ATF7IP: variants seen among roughly 807,000 people sequenced by gnomAD.
ATF7IP encodes activating transcription factor 7 interacting protein.
Under a neutral mutation model 106.4 loss-of-function variants are expected in ATF7IP, and 23 were observed. The observed-to-expected ratio is 0.22, with a 90% CI of 0.16 to 0.31. The LOEUF is 0.31. Among genes scored for constraint, ATF7IP ranks in the 10% least tolerant of loss-of-function variants. ATF7IP has a pLI of 1.00. For missense variants in ATF7IP, 1,334 were observed against 1,524.3 expected (o/e 0.88, Z 2.08); for synonymous variants, 542 against 539.0 (o/e 1.01, Z -0.08).
At chr12:14,494,329 A>ATG (rs1459016569) in intron 13 of ATF7IP, among the ~76,000 whole-genome samples, 101 of 92,974 alleles carry the variant, frequency 1.1e-3, no homozygotes, top group East Asian at 4.7e-3. Context: ...ATATATATAT[A>ATG]TATATGTGTG....
chr12:14,497,750 C>G lies in ATF7IP; in HGVS notation c.3490C>G (p.Pro1164Ala). 8.1e-6 allele frequency: 13 copies of G among 1,614,168 alleles called. No homozygotes were observed. The highest frequency in any genetic ancestry group is 1.1e-5 in the Non-Finnish European group (13 of 1,180,026). The change falls in exon 15 of 15, where the codon CCA becomes GCA. Residue 1164 changes from proline (P) to alanine (A), a missense_variant. Coordinates refer to ENST00000261168, the MANE Select transcript of ATF7IP (RefSeq NM_018179.5). ...TGCCAGCACATCTCTGCCTCAGAAG[C>G]CACACTTGAAGTTAGCACGCGTTCA... ...EAASTSLPQK[P>A]HLKLARVQSQ...
chr12:14,443,553 T>C (rs764435773), intron 5 of ATF7IP, among the ~76,000 whole-genome samples: 2 of 152,182 alleles, frequency 1.3e-5, no homozygotes, highest in Admixed American at 6.5e-5. Flanking sequence ...TGGTCATTCA[T>C]GGAAAAAACA....
chr12:14,430,309 A>T (rs1156716739), intron 2 of ATF7IP, among the ~76,000 whole-genome samples: 2 of 152,152 alleles, frequency 1.3e-5, no homozygotes, highest in Admixed American at 1.3e-4. Flanking sequence ...CAATCTGGAG[A>T]TCATTGGTGA....
At chr12:14,434,548 A>C in intron 3 of ATF7IP, 125 bp downstream of exon 3, 3 of 633,904 alleles carry the variant, frequency 4.7e-6, no homozygotes, top group Non-Finnish European at 8.3e-6. Context: ...TTTCACAACT[A>C]TACCATTTTG....
chr12:14,442,058 T>C (rs1942737876), intron 5 of ATF7IP, among the ~76,000 whole-genome samples: 1 of 152,198 alleles, frequency 6.6e-6, no homozygotes, highest in Non-Finnish European at 1.5e-5. Flanking sequence ...GCAATTTTAC[T>C]TTTCTTCTAT....
chr12:14,487,460 T>G (rs753522141), intron 13 of ATF7IP, among the ~76,000 whole-genome samples: 2 of 152,186 alleles, frequency 1.3e-5, no homozygotes, highest in Non-Finnish European at 2.9e-5. Flanking sequence ...GGCAACTGCC[T>G]CAGAGGAGGC....
At chr12:14,388,136 G>GC (rs1234018913) in intron 1 of ATF7IP, among the ~76,000 whole-genome samples, 5 of 150,212 alleles carry the variant, frequency 3.3e-5, no homozygotes, top group African/African-American at 1.2e-4. Flanking sequence ...GTCTCAGCCT[G>GC]CCTCCTGGGT....
intron 6 of ATF7IP, among the ~76,000 whole-genome samples, chr12:14,455,114 G>T (rs556670796): frequency 1.3e-5 from 2 of 151,488 alleles, no homozygotes; most frequent in Admixed American, 6.6e-5. Flanking sequence ...GGAGGCGGAG[G>T]CTAGAGTGAG....
At chr12:14,475,410 G>A (rs892400895) in intron 10 of ATF7IP, among the ~76,000 whole-genome samples, 2 of 152,120 alleles carry the variant, frequency 1.3e-5, no homozygotes, top group African/African-American at 4.8e-5. Context: ...TTACTGGTCA[G>A]CTTGGATGTG....
At chr12:14,446,593 G>A (rs887467065) in intron 5 of ATF7IP, among the ~76,000 whole-genome samples, 2 of 152,116 alleles carry the variant, frequency 1.3e-5, no homozygotes, top group Non-Finnish European at 2.9e-5. Flanking sequence ...TATTGGCAAG[G>A]GATCTTTTAT....
chr12:14,463,813 G>T (rs1943727355), intron 9 of ATF7IP, among the ~76,000 whole-genome samples: 1 of 152,102 alleles, frequency 6.6e-6, no homozygotes, highest in South Asian at 2.1e-4. Context: ...GGTAGCATTG[G>T]CAGTACTTGG....
chr12:14,407,948 A>G (rs1940692465), intron 1 of ATF7IP, among the ~76,000 whole-genome samples: 1 of 152,172 alleles, frequency 6.6e-6, no homozygotes, highest in South Asian at 2.1e-4. Flanking sequence ...TTTTTTAACC[A>G]ACAAATCTGA....
At chr12:14,417,379 A>C (rs1454686870) in intron 1 of ATF7IP, among the ~76,000 whole-genome samples, 1 of 152,114 alleles carries the variant, frequency 6.6e-6, no homozygotes, top group East Asian at 1.9e-4. Context: ...TCATAATACT[A>C]TCCCTAGTAA....
Position 14,460,701 on chromosome 12 carries a change from G to C in ATF7IP, c.2365G>C (p.Val789Leu). ...TTTGCCAGTGATTTTGCATGTACCT[G>C]TTGCAGTATCCTCCCAGCCTCAGCT... ...QPLPVILHVP[V>L]AVSSQPQLLQ... is the part of the protein sequence containing the mutation. The change falls in exon 9 of 15, where the codon GTT becomes CTT. Residue 789 changes from valine to leucine, a missense_variant. By Grantham distance (32) the Val-to-Leu change is conservative. Coordinates refer to ENST00000261168, the MANE Select transcript of ATF7IP (RefSeq NM_018179.5). 1 of 1,614,198 alleles carries C rather than the reference G, an allele frequency of 6.2e-7. No homozygotes were observed. The highest frequency in any genetic ancestry group is 8.5e-7 in the Non-Finnish European group (1 of 1,180,030).
intron 8 of ATF7IP, 135 bp downstream of exon 8, chr12:14,457,430 A>G (rs958187182): frequency 1.5e-6 from 1 of 657,248 alleles, no homozygotes. Flanking sequence ...ATTTTGTTAA[A>G]AATTCAGGAT....
chr12:14,485,532 G>C (rs1565552840), intron 13 of ATF7IP, among the ~76,000 whole-genome samples: 1 of 152,298 alleles, frequency 6.6e-6, no homozygotes, highest in Middle Eastern at 3.4e-3. Flanking sequence ...AGTGTCATCA[G>C]TGTAATGGAC....
At chr12:14,427,433 G>A (rs899872624) in intron 2 of ATF7IP, among the ~76,000 whole-genome samples, 1 of 151,904 alleles carries the variant, frequency 6.6e-6, no homozygotes, top group South Asian at 2.1e-4. Flanking sequence ...CACGATCTTG[G>A]CTCACTGCAA....
intron 1 of ATF7IP, among the ~76,000 whole-genome samples, chr12:14,410,375 G>T (rs544774326): frequency 1.3e-5 from 2 of 152,066 alleles, no homozygotes; most frequent in South Asian, 2.1e-4. Flanking sequence ...AGTATGTCCA[G>T]CATATCTACA....
chr12:14,427,407 G>A (rs530461922), intron 2 of ATF7IP, among the ~76,000 whole-genome samples: 65 of 151,222 alleles, frequency 4.3e-4, no homozygotes, highest in African/African-American at 1.6e-3. Flanking sequence ...CTGTTGCCCC[G>A]GCTGGAGTGC....
Sources: gnomAD v4.1 joint callset for allele counts (sites outside exome capture counted in the v4.1 genomes callset) on GRCh38, gnomAD v4.1.1 for gene constraint, MANE v1.5 for transcripts, NCBI Gene and HGNC (gene_info 2026-07-23, HGNC 2026-07-21) for gene names.